ABR: variants seen among roughly 807,000 people sequenced by gnomAD.
The protein encoded by ABR is ABR activator of RhoGEF and GTPase.
ABR carries 35 observed loss-of-function variants against 107.2 expected under a neutral mutation model. The ratio of observed to expected loss-of-function variants is 0.33; its 90% confidence interval spans 0.25 to 0.43. The LOEUF is 0.43. Ranked by LOEUF, ABR falls within the 20% of genes least tolerant of loss-of-function variation. The pLI is 1.00. For synonymous variants in ABR, 498 were observed against 462.0 expected, an observed-to-expected ratio of 1.08 and a Z score of -1.00; for missense variants, 815 against 1,115.2, an observed-to-expected ratio of 0.73 and a Z score of 3.83.
At chr17:1,081,037 G>T (rs1055746457) in intron 5 of ABR, among the ~76,000 whole-genome samples, 2 of 152,182 alleles carry the variant, frequency 1.3e-5, no homozygotes, top group African/African-American at 4.8e-5. Flanking sequence ...GGGGCTTATG[G>T]TTGGGTGTGG....
At chr17:1,166,577 T>C (rs2041515827) in intron 1 of ABR, among the ~76,000 whole-genome samples, 1 of 152,182 alleles carries the variant, frequency 6.6e-6, no homozygotes, top group Admixed American at 6.5e-5. Flanking sequence ...TCCCACGTTG[T>C]GCTAAGGAGT....
intron 1 of ABR, among the ~76,000 whole-genome samples, chr17:1,162,856 G>A (rs376275931): frequency 6.6e-5 from 10 of 152,120 alleles, no homozygotes; most frequent in Admixed American, 2.0e-4. Context: ...GGTGGATCAC[G>A]AGGTCAGGAG....
At chr17:1,045,513 TAGAA>T (rs2031456072) in intron 16 of ABR, among the ~76,000 whole-genome samples, 2 of 152,264 alleles carry the variant, frequency 1.3e-5, no homozygotes, top group African/African-American at 4.8e-5. Context: ...GCAGGACATC[TAGAA>T]ATGGGCTCTG....
chr17:1,178,743 G>A (rs565445739), intron 1 of ABR, among the ~76,000 whole-genome samples: 26 of 151,872 alleles, frequency 1.7e-4, no homozygotes, highest in African/African-American at 5.3e-4. Flanking sequence ...CACTATGTAA[G>A]CCCAGGAGGA....
At chr17:1,137,706 G>GA (rs1292230634) in intron 1 of ABR, among the ~76,000 whole-genome samples, 3 of 151,766 alleles carry the variant, frequency 2.0e-5, no homozygotes, top group African/African-American at 4.8e-5. Flanking sequence ...TCCAACTGGT[G>GA]AAAAAAAACG....
At chr17:1,062,633 G>A (rs2034145659) in intron 10 of ABR, among the ~76,000 whole-genome samples, 1 of 144,470 alleles carries the variant, frequency 6.9e-6, no homozygotes, top group South Asian at 2.2e-4. Flanking sequence ...TATGTGAACT[G>A]AGGGCTATGC....
At position 1,072,714 on chromosome 17, in the gene ABR, G is replaced by A. The variant is rs1320114447; in HGVS notation, c.794C>T (p.Pro265Leu). 11 of 1,613,644 alleles carry A rather than the reference G, an allele frequency of 6.8e-6. No individual in the cohort carries two copies. Among genetic ancestry groups the A allele is most frequent in the Admixed American group, 3.3e-5 (2 of 59,954 alleles). ...GATGCGGAGGGCATCCTGCAGCAGCGGGTAGTCGGGGTGGTCCACAGGTGT... is the reference window on the plus strand; with the variant it reads ...GATGCGGAGGGCATCCTGCAGCAGCAGGTAGTCGGGGTGGTCCACAGGTGT... ...KHTPVDHPDY[P>L]LLQDALRISQ... The change falls in exon 8 of 23, where the codon CCG becomes CTG. Residue 265 changes from proline (P) to leucine (L), a missense_variant. By Grantham distance (98) the Pro-to-Leu change is moderately conservative. Coordinates refer to ENST00000302538, the MANE Select transcript of ABR (RefSeq NM_021962.5).
chr17:1,088,874 G>C (rs1267220095), intron 4 of ABR, among the ~76,000 whole-genome samples: 4 of 148,168 alleles, frequency 2.7e-5, no homozygotes, highest in East Asian at 4.1e-4. Flanking sequence ...TTATAAGCGT[G>C]AGCCACTGTG....
intron 1 of ABR, among the ~76,000 whole-genome samples, chr17:1,145,266 A>G (rs1414077482): frequency 6.6e-6 from 1 of 152,166 alleles, no homozygotes; most frequent in African/African-American, 2.4e-5. Flanking sequence ...CATAACAACC[A>G]ATTCAATTAT....
intron 1 of ABR, among the ~76,000 whole-genome samples, chr17:1,172,734 A>G (rs2041761933): frequency 6.6e-6 from 1 of 151,712 alleles, no homozygotes; most frequent in Non-Finnish European, 1.5e-5. Flanking sequence ...TGGGTGACAG[A>G]GCAAGACTCC....
Position 1,051,903 on chromosome 17 carries a change from A to T in ABR, c.1562-1269T>A, listed in dbSNP as rs2032578507. On this transcript the variant is annotated intron_variant, in intron 14 of 22. Transcript: ENST00000302538. The surrounding 1 kb of genome is among the most constrained non-coding windows in gnomAD (Gnocchi z 4.3). ...AGCCTGACCAACATGGTGAAACCCC[A>T]TCTCTACTAAAAATACAAAAGTGAG... Among the ~76,000 whole-genome samples the T allele has an allele frequency of 6.6e-6, 1 of 152,140 alleles. No homozygotes were observed. Among genetic ancestry groups the T allele is most frequent in the African/African-American group, 2.4e-5 (1 of 41,508 alleles).
chr17:1,098,688 A>G (rs2037654198), intron 3 of ABR, among the ~76,000 whole-genome samples: 1 of 152,206 alleles, frequency 6.6e-6, no homozygotes, highest in East Asian at 1.9e-4. Context: ...GCCCCAGACC[A>G]GGACCCTCAG....
intron 2 of ABR, among the ~76,000 whole-genome samples, chr17:1,106,527 CTTTTTTT>C (rs540643214): frequency 2.9e-5 from 3 of 102,584 alleles, no homozygotes; most frequent in Non-Finnish European, 5.5e-5. Flanking sequence ...TTCTCACAGT[CTTTTTTT>C]TTTTTTTTTT....
intron 1 of ABR, among the ~76,000 whole-genome samples, chr17:1,172,969 CCCACCCAACACATCACCTCAGT>C (rs879482742): frequency 0.52 from 62,310 of 119,864 alleles, 24,143 homozygotes; most frequent in Non-Finnish European, 0.76. Context: ...ATCACCTCAG[CCCACCCAACACATCACCTCAGT>C]CCACCCAACA....
intron 16 of ABR, among the ~76,000 whole-genome samples, chr17:1,028,233 G>GAC (rs1356928900): frequency 2.6e-5 from 4 of 151,646 alleles, no homozygotes; most frequent in East Asian, 1.9e-4. Flanking sequence ...TGGGATTACA[G>GAC]GTGCCCGCCA....
intron 1 of ABR, among the ~76,000 whole-genome samples, chr17:1,223,921 G>A (rs941872265): frequency 6.6e-6 from 1 of 152,158 alleles, no homozygotes; most frequent in African/African-American, 2.4e-5. Flanking sequence ...ACGTGGGGAT[G>A]ACAATTCGAG....
chr17:1,059,671 A>G (rs1304193997), intron 10 of ABR, among the ~76,000 whole-genome samples: 1 of 151,914 alleles, frequency 6.6e-6, no homozygotes, highest in Non-Finnish European at 1.5e-5. Flanking sequence ...TGCTCCCTCA[A>G]TGTTCCAAGT....
In ABR at chr17:1,148,669, G is replaced by A. The variant is rs746992489; in HGVS notation, c.62-23302C>T. The stretch of plus-strand genomic sequence containing the variant: ...GTGCGAGGGATCGCAGTTCCATCCC[G>A]AAAGCGCTCCCCACCCTTCCCCGGT... On this transcript the variant is annotated intron_variant, in intron 1 of 22. Transcript: ENST00000302538. The surrounding 1 kb of genome is among the most constrained non-coding windows in gnomAD (Gnocchi z 4.9). Among the ~76,000 whole-genome samples, 9 of 152,200 alleles carry A rather than the reference G, an allele frequency of 5.9e-5. No homozygotes were observed. Among genetic ancestry groups the A allele is most frequent in the East Asian group, 3.9e-4 (2 of 5,194 alleles).
chr17:1,227,130 G>A (rs1187790369), intron 1 of ABR, among the ~76,000 whole-genome samples: 1 of 152,226 alleles, frequency 6.6e-6, no homozygotes, highest in Non-Finnish European at 1.5e-5. Flanking sequence ...GGTCCACCCA[G>A]AGGGGAGCAT....
Sources: allele counts gnomAD v4.1 joint callset (sites outside exome capture counted in the v4.1 genomes callset), GRCh38; gene constraint gnomAD v4.1.1; non-coding constraint Gnocchi (gnomAD v3.1); transcripts MANE v1.5; gene names NCBI Gene and HGNC (gene_info 2026-07-23, HGNC 2026-07-21).